Variants in RNF150 observed in about 807,000 individuals in gnomAD.
RNF150 encodes the protein ring finger protein 150.
A neutral mutation model predicts 39.3 loss-of-function variants in RNF150; 24 were observed. The observed-to-expected ratio is 0.61, with a 90% confidence interval of 0.44 to 0.86. The LOEUF (loss-of-function observed/expected upper bound fraction) is 0.86, where lower values mean the gene tolerates loss of function less well. Among genes scored for constraint, RNF150 ranks in the 40% least tolerant of loss-of-function variants. The pLI, the probability that RNF150 is intolerant of heterozygous loss-of-function variation, is 0.00. For missense variants in RNF150, 502 were observed against 587.8 expected, an observed-to-expected ratio of 0.85 and a Z score of 1.51; for synonymous variants, 255 against 227.3, an observed-to-expected ratio of 1.12 and a Z score of -1.10.
intron 1 of RNF150, among the ~76,000 whole-genome samples, chr4:141,091,945 C>T (rs1013261907): frequency 2.6e-5 from 4 of 152,188 alleles, no homozygotes; most frequent in African/African-American, 9.7e-5. Context: ...ACAACAAACA[C>T]ATATACACAA....
intron 1 of RNF150, among the ~76,000 whole-genome samples, chr4:141,019,822 C>T (rs2110780798): frequency 6.6e-6 from 1 of 152,300 alleles, no homozygotes; most frequent in East Asian, 1.9e-4. Flanking sequence ...CTCAAATTGA[C>T]AGAGAAGGCA....
chr4:140,983,664 G>T (rs761960418), intron 1 of RNF150, among the ~76,000 whole-genome samples: 2 of 151,672 alleles, frequency 1.3e-5, no homozygotes, highest in Non-Finnish European at 2.9e-5. Flanking sequence ...CGTGGAAAGA[G>T]ATTGAAGCTA....
In RNF150 at chr4:141,027,912, G is replaced by GTTTTTTGTTTTTTTTTTTTTTTTTTTTTT. The variant is rs1560696593; in HGVS notation, c.485-60040_485-60039insAAAAAAAAAAAAAAAAAAAAAACAAAAAA. Among the ~76,000 whole-genome samples, 7 of 27,102 alleles carry GTTTTTTGTTTTTTTTTTTTTTTTTTTTTT rather than the reference G, an allele frequency of 2.6e-4. 3 individuals carry two copies. Among genetic ancestry groups the GTTTTTTGTTTTTTTTTTTTTTTTTTTTTT allele is most frequent in the Non-Finnish European group, 5.2e-4 (6 of 11,596 alleles). 17.8% of individuals were successfully genotyped at this position (27,102 alleles called of 152,430 possible). Reference sequence around the variant, plus strand: ...TAGATAGTTAATGAGCTTGGAATTTGTTTTTTTTTTTTTGTTTTTTTTTTT... The same window carrying GTTTTTTGTTTTTTTTTTTTTTTTTTTTTT: ...TAGATAGTTAATGAGCTTGGAATTTGTTTTTTGTTTTTTTTTTTTTTTTTTTTTTTTTTTTTTTTTTTGTTTTTTTTTTT... On this transcript the variant is annotated intron_variant, in intron 1 of 6. Coordinates refer to ENST00000515673, the MANE Select transcript of RNF150 (RefSeq NM_020724.2).
At chr4:141,209,560 A>T (rs1171811173) in intron 1 of RNF150, among the ~76,000 whole-genome samples, 1 of 152,214 alleles carries the variant, frequency 6.6e-6, no homozygotes, top group African/African-American at 2.4e-5. Flanking sequence ...GAGGCTAAAA[A>T]TAACTATGTA....
At chr4:140,886,476 T>A (rs1486290872) in intron 6 of RNF150, among the ~76,000 whole-genome samples, 1 of 152,240 alleles carries the variant, frequency 6.6e-6, no homozygotes, top group Non-Finnish European at 1.5e-5. Flanking sequence ...TTGTTTGTCT[T>A]CTTACTGAGT....
chr4:140,869,141 A>G (rs992351274), intron 6 of RNF150, among the ~76,000 whole-genome samples: 1 of 152,240 alleles, frequency 6.6e-6, no homozygotes, highest in African/African-American at 2.4e-5. Flanking sequence ...ATTGCAAGTA[A>G]CTTAAAGTCC....
At chr4:141,171,144 G>A (rs763925881) in intron 1 of RNF150, among the ~76,000 whole-genome samples, 1 of 152,132 alleles carries the variant, frequency 6.6e-6, no homozygotes, top group Admixed American at 6.5e-5. Context: ...CCAACATAGG[G>A]TTGTAAAGAA....
intron 6 of RNF150, among the ~76,000 whole-genome samples, chr4:140,909,086 C>T (rs1730497658): frequency 6.6e-6 from 1 of 152,086 alleles, no homozygotes; most frequent in African/African-American, 2.4e-5. Flanking sequence ...TCAAAGATGT[C>T]CAATAAATGG....
In RNF150 at chr4:141,132,422, C is replaced by T. The variant is rs1213571625; in HGVS notation, c.387G>A (p.Arg129=). ...GCAGGAACGCGTTCCGGATCTTATC[C>T]CTGTACGTGCAGTTGCCCTTGGGGA... ...ALIPKGNCTY[R]DKIRNAFLQN... Residue 129 remains arginine, a synonymous_variant, in exon 1 of 7, where the codon AGG becomes AGA. Transcript: ENST00000515673. This position sits in a 1 kb window ranked among gnomAD's most constrained non-coding sequence, Gnocchi z 4.9. 4.3e-6 allele frequency: 7 copies of T among 1,609,774 alleles called. No homozygotes were observed. In the African/African-American group the frequency reaches 6.7e-5, roughly 15 times the overall value.
chr4:140,966,391 G>A (rs1179323205), intron 2 of RNF150, among the ~76,000 whole-genome samples: 1 of 151,986 alleles, frequency 6.6e-6, no homozygotes, highest in Non-Finnish European at 1.5e-5. Flanking sequence ...AAAAATTTCT[G>A]CATGGCAAGA....
chr4:141,118,426 T>A (rs1398231879), intron 1 of RNF150, among the ~76,000 whole-genome samples: 1 of 152,190 alleles, frequency 6.6e-6, no homozygotes, highest in South Asian at 2.1e-4. Flanking sequence ...TGAGATGGTA[T>A]CTATTCAAAC....
At chr4:141,103,981 A>G (rs999786966) in intron 1 of RNF150, among the ~76,000 whole-genome samples, 2 of 152,248 alleles carry the variant, frequency 1.3e-5, no homozygotes, top group Non-Finnish European at 2.9e-5. Context: ...TTTTTCTTCA[A>G]TTCTGAGTCA....
At chr4:140,978,049 A>G (rs1007919907) in intron 1 of RNF150, among the ~76,000 whole-genome samples, 2 of 152,188 alleles carry the variant, frequency 1.3e-5, no homozygotes, top group African/African-American at 2.4e-5. Flanking sequence ...CCAAGAGATA[A>G]AAACTTAAAT....
At chr4:140,911,954 T>C (rs751821715) in intron 5 of RNF150, among the ~76,000 whole-genome samples, 28 of 152,242 alleles carry the variant, frequency 1.8e-4, no homozygotes, top group Non-Finnish European at 2.9e-4. Context: ...TAATACGGTA[T>C]TGATCATACA....
rs1442928993 is a variant in RNF150 at position 140,935,003 on chromosome 4, AT to A, written c.891-8931del. 3.3e-3 allele frequency among the ~76,000 whole-genome samples: 385 copies of A among 115,246 alleles called. 3 individuals are homozygous for A. Among genetic ancestry groups the A allele is most frequent in the African/African-American group, 0.011 (346 of 31,182 alleles). The allele number at this position is 115,246 out of a possible 152,430, so 75.6% of individuals were successfully genotyped here. A position where few individuals can be genotyped will look rare whatever the true frequency, so the allele number is the denominator to read the frequency against. On this transcript the variant is annotated intron_variant, in intron 4 of 6. Coordinates refer to ENST00000515673, the MANE Select transcript of RNF150 (RefSeq NM_020724.2). ...TTAAAGTGTTATAATATATATATAT[AT>A]ATAAATATATATATATTATATATTT...
At chr4:141,037,159 T>G (rs1189347321) in intron 1 of RNF150, among the ~76,000 whole-genome samples, 1 of 152,208 alleles carries the variant, frequency 6.6e-6, no homozygotes, top group Admixed American at 6.6e-5. Context: ...CACAGTATTC[T>G]GTTTCTTTTT....
intron 1 of RNF150, among the ~76,000 whole-genome samples, chr4:141,012,577 G>A (rs1735111656): frequency 6.6e-6 from 1 of 151,948 alleles, no homozygotes; most frequent in African/African-American, 2.4e-5. Context: ...CACTTTGGGA[G>A]GCTGAGGCAG....
At chr4:141,146,537 A>C (rs1727202940) in intron 1 of RNF150, among the ~76,000 whole-genome samples, 1 of 152,072 alleles carries the variant, frequency 6.6e-6, no homozygotes, top group Non-Finnish European at 1.5e-5. Flanking sequence ...CCTCCTGGGA[A>C]TATTTAAGAG....
chr4:140,914,311 T>G (rs986065403), intron 5 of RNF150, among the ~76,000 whole-genome samples: 3 of 152,178 alleles, frequency 2.0e-5, no homozygotes, highest in Non-Finnish European at 2.9e-5. Flanking sequence ...CTCTACATGG[T>G]TCATCAAATG....
Sources: gnomAD v4.1 joint callset for allele counts (sites outside exome capture counted in the v4.1 genomes callset) on GRCh38, gnomAD v4.1.1 for gene constraint, Gnocchi (gnomAD v3.1) non-coding constraint, MANE v1.5 for transcripts, NCBI Gene and HGNC (gene_info 2026-07-23, HGNC 2026-07-21) for gene names.